Variants in ZNF75D observed in about 807,000 individuals in gnomAD.
The protein encoded by ZNF75D is zinc finger protein 75D, also known as zinc finger protein 75.
In ZNF75D, 33 loss-of-function variants were observed where a neutral mutation model predicts 33.3. The observed-to-expected ratio is 0.99, with a 90% CI of 0.75 to 1.32. ZNF75D has a LOEUF of 1.32. ZNF75D is among the 40% of genes most tolerant of loss of function. The pLI is 0.00. For missense variants in ZNF75D, 338 were observed against 367.5 expected (o/e 0.92, Z 0.66); for synonymous variants, 113 against 130.6 (o/e 0.87, Z 0.92).
At chrX:135,334,621 A>G (rs1175352954) in intron 1 of ZNF75D, among the ~76,000 whole-genome samples, 2 of 110,644 alleles carry the variant, frequency 1.8e-5, no homozygotes, top group Non-Finnish European at 3.8e-5. Context: ...CATCTTTTCT[A>G]TGGGCTGCCC....
At chrX:135,278,884 G>A (rs2083909767) in intron 1 of ZNF75D, among the ~76,000 whole-genome samples, 2 of 111,550 alleles carry the variant, frequency 1.8e-5, no homozygotes, top group Admixed American at 9.5e-5. Flanking sequence ...TGCTGGATTC[G>A]GTTTGCCAGT....
At chrX:135,305,016 G>A (rs55661857) in intron 1 of ZNF75D, among the ~76,000 whole-genome samples, 2,325 of 112,184 alleles carry the variant, frequency 0.021, 36 homozygotes, top group Non-Finnish European at 0.034. Context: ...ATCACCCCTG[G>A]GGGAAGTCCT....
At chrX:135,336,392 T>C (rs1250634340) in intron 1 of ZNF75D, among the ~76,000 whole-genome samples, 1 of 113,018 alleles carries the variant, frequency 8.8e-6, no homozygotes, top group East Asian at 2.8e-4. Context: ...GTACATAATA[T>C]GCACGAACAT....
intron 6 of ZNF75D, 41 bp downstream of exon 6, chrX:135,290,968 T>C: frequency 1.7e-6 from 2 of 1,174,585 alleles, no homozygotes; most frequent in South Asian, 3.8e-5. Context: ...GGACATAATA[T>C]ATTACTTAAC....
At chrX:135,340,726 T>C (rs1162562072) in intron 1 of ZNF75D, among the ~76,000 whole-genome samples, 1 of 111,849 alleles carries the variant, frequency 8.9e-6, no homozygotes, top group Non-Finnish European at 1.9e-5. Context: ...TTAAAGTGGA[T>C]TGATCTGCTC....
chrX:135,259,983 A>G (rs1303982509), intron 1 of ZNF75D, among the ~76,000 whole-genome samples: 1 of 112,017 alleles, frequency 8.9e-6, no homozygotes, highest in African/African-American at 3.2e-5. Context: ...TACCTAGTTT[A>G]TTGAGAGTTT....
chrX:135,298,742 A>G (rs1255522476), intron 1 of ZNF75D, among the ~76,000 whole-genome samples: 1 of 111,781 alleles, frequency 8.9e-6, no homozygotes, highest in Non-Finnish European at 1.9e-5. Context: ...GCAAAAAAAT[A>G]TTGAACCATG....
chrX:135,266,658 T>C (rs782401771), intron 1 of ZNF75D, among the ~76,000 whole-genome samples: 1 of 111,955 alleles, frequency 8.9e-6, no homozygotes, highest in Admixed American at 9.5e-5. Context: ...AAGAAATATA[T>C]AGACCCCAAT....
At chrX:135,336,460 C>T (rs782479285) in intron 1 of ZNF75D, among the ~76,000 whole-genome samples, 88 of 112,769 alleles carry the variant, frequency 7.8e-4, no homozygotes, top group Non-Finnish European at 1.4e-3. Flanking sequence ...GGCTCCTGGC[C>T]AAAAACGTAT....
chrX:135,322,203 A>G (rs1241829986), intron 1 of ZNF75D, among the ~76,000 whole-genome samples: 2 of 112,250 alleles, frequency 1.8e-5, no homozygotes, highest in African/African-American at 6.5e-5. Flanking sequence ...TTGTTGAGTC[A>G]GGGTCTGCAG....
At chrX:135,302,619 C>T (rs1475524740) in intron 1 of ZNF75D, among the ~76,000 whole-genome samples, 2 of 112,293 alleles carry the variant, frequency 1.8e-5, no homozygotes, top group African/African-American at 6.5e-5. Flanking sequence ...ATTCAATTAG[C>T]CTTGTGATCT....
At chrX:135,267,026 T>C (rs781784801) in intron 1 of ZNF75D, among the ~76,000 whole-genome samples, 85 of 111,370 alleles carry the variant, frequency 7.6e-4, no homozygotes, top group African/African-American at 2.6e-3. Flanking sequence ...AGTGGGTCAA[T>C]GAAAGAATAA....
Position 135,290,874 on chromosome X carries a change from T to C in ZNF75D, c.823+135A>G, listed in dbSNP as rs1255699038. The C allele has an allele frequency of 8.5e-6, 5 of 591,143 alleles. No individual in the cohort carries two copies. The East Asian group carries it at 1.8e-4, about 21-fold the overall frequency. 48.7% of individuals were successfully genotyped at this position (591,143 alleles called of 1,213,427 possible). ...CCAGGGGATCCTGATAATCCCTTTA[T>C]TTCCCATACATCATCAAGTTGAGAA... On this transcript the variant is annotated intron_variant, in intron 6 of 6. Transcript: ENST00000370766.
chrX:135,297,330 T>TA lies in ZNF75D; in HGVS notation c.-390-1292dup, dbSNP rs1556423304. ...AGGTGTGTAAAAGGACACAGTGCAT[T>TA]ATCTATGATATATAAACTTAGTAAA... On this transcript the variant is annotated intron_variant, in intron 1 of 6. Coordinates refer to ENST00000370766, the MANE Select transcript of ZNF75D (RefSeq NM_007131.5). 3.6e-5 allele frequency: 4 copies of TA among 112,584 alleles called. No homozygotes were observed. The East Asian group carries it at 1.1e-3, about 31-fold the overall frequency. 9.3% of individuals were successfully genotyped at this position (112,584 alleles called of 1,213,427 possible). A position where few individuals can be genotyped will look rare whatever the true frequency, so the allele number is the denominator to read the frequency against.
At chrX:135,260,630 C>T (rs1437113061) in intron 1 of ZNF75D, among the ~76,000 whole-genome samples, 1 of 111,693 alleles carries the variant, frequency 9.0e-6, no homozygotes, top group African/African-American at 3.3e-5. Flanking sequence ...TCTGTGGGAT[C>T]GGTGGTGATA....
At chrX:135,309,762 C>T (rs2084336495) in intron 1 of ZNF75D, 1 of 291,278 alleles carries the variant, frequency 3.4e-6, no homozygotes, top group Non-Finnish European at 6.0e-6. Flanking sequence ...GAACAATAAA[C>T]TCCTCCCATG....
chrX:135,321,662 A>G (rs782240052), intron 1 of ZNF75D, among the ~76,000 whole-genome samples: 2 of 112,458 alleles, frequency 1.8e-5, no homozygotes, highest in African/African-American at 6.5e-5. Flanking sequence ...TGACTGCAGA[A>G]GCAGAGGTTG....
At chrX:135,337,401 T>G (rs1556442784) in intron 1 of ZNF75D, among the ~76,000 whole-genome samples, 2 of 111,447 alleles carry the variant, frequency 1.8e-5, no homozygotes, top group African/African-American at 6.5e-5. Flanking sequence ...AAGCAGAGAA[T>G]AAAGAGTGAA....
At chrX:135,282,918 G>C (rs192329958), downstream of ZNF75D, among the ~76,000 whole-genome samples, 20 of 113,127 alleles carry the variant, frequency 1.8e-4, no homozygotes, top group African/African-American at 6.1e-4. Context: ...CTGCAGACCA[G>C]AGCTGTTCCT....
Sources: allele counts gnomAD v4.1 joint callset (sites outside exome capture counted in the v4.1 genomes callset), GRCh38; gene constraint gnomAD v4.1.1; transcripts MANE v1.5; gene names NCBI Gene and HGNC (gene_info 2026-07-23, HGNC 2026-07-21).